GOLGA6L7: variants seen among roughly 807,000 people sequenced by gnomAD.
GOLGA6L7 encodes golgin subfamily A member 6-like protein 7.
In GOLGA6L7, 29 loss-of-function variants were observed where a neutral mutation model predicts 68.9. The observed-to-expected ratio is 0.42, with a 90% CI of 0.31 to 0.57. The LOEUF (loss-of-function observed/expected upper bound fraction) is 0.57. Among genes scored for constraint, GOLGA6L7 ranks in the 20% least tolerant of loss-of-function variants. The pLI is 0.13. For missense variants in GOLGA6L7, 396 were observed against 588.4 expected, an observed-to-expected ratio of 0.67 and a Z score of 3.38; for synonymous variants, 133 against 197.4, an observed-to-expected ratio of 0.67 and a Z score of 2.73.
rs764931956 is a variant in GOLGA6L7, at chr15:28,842,549, T to TCTC, written c.1552_1554dup (p.Glu518dup). The TCTC allele has an allele frequency of 6.4e-6, 8 of 1,245,814 alleles. No homozygotes were observed. The highest frequency in any genetic ancestry group is 6.2e-5 in the African/African-American group (4 of 64,190). The allele number at this position is 1,245,814 out of a possible 1,614,324, so 77.2% of individuals were successfully genotyped here. ...CTCTTCTCCACCTGCCTCCGGATCTTCTCCTCCTCCTCCTGCATCTTCTCA... is the reference window on the plus strand; with the variant it reads ...CTCTTCTCCACCTGCCTCCGGATCTTCTCCTCCTCCTCCTCCTGCATCTTCTCA... On this transcript the variant is annotated inframe_insertion, in exon 9 of 9. Transcript: ENST00000567390.
chr15:28,846,851 A>T, intron 2 of GOLGA6L7: 1 of 514,480 alleles, frequency 1.9e-6, no homozygotes. Flanking sequence ...GTAAAACATT[A>T]CCATCCCCAT....
rs2030248424 is a variant in GOLGA6L7, at chr15:28,842,837, C to T, written c.1267G>A (p.Gly423Arg). 1 of 1,236,304 alleles carries T rather than the reference C, an allele frequency of 8.1e-7. No homozygotes were observed. The highest frequency in any genetic ancestry group is 1.0e-6 in the Non-Finnish European group (1 of 998,258). 76.6% of individuals were successfully genotyped at this position (1,236,304 alleles called of 1,614,324 possible). A position where few individuals can be genotyped will look rare whatever the true frequency, so the allele number is the denominator to read the frequency against. Residue 423 changes from glycine to arginine, a missense_variant, in exon 9 of 9, where the codon GGG becomes AGG. Coordinates refer to ENST00000567390, the MANE Select transcript of GOLGA6L7 (RefSeq NM_001365371.2). The part of the protein sequence containing the change: ...EQMRKQEEQM[G>R]EQEEQIRKQE... ...TTCCGGATCTGCTCCTCCTGCTCCC[C>T]CATCTGCTCCTCCTGCTTCCTCATC...
Position 28,844,277 on chromosome 15 carries a change from A to G in GOLGA6L7, c.463-14T>C, listed in dbSNP as rs1353211525. 12 of 486,754 alleles carry G rather than the reference A, an allele frequency of 2.5e-5. No homozygotes were observed. The highest frequency in any genetic ancestry group is 4.3e-5 in the Non-Finnish European group (12 of 282,062). 30.2% of individuals were successfully genotyped at this position (486,754 alleles called of 1,614,324 possible). A position where few individuals can be genotyped will look rare whatever the true frequency, so the allele number is the denominator to read the frequency against. ...CTCCTTGATGTACTGCAAACAGAGA[A>G]AGGTCAAGTCAGGATACAGCAGGCA... is the stretch of plus-strand genomic sequence containing the variant. On this transcript the variant is annotated splice_polypyrimidine_tract_variant and intron_variant, in intron 6 of 8. Coordinates refer to ENST00000567390, the MANE Select transcript of GOLGA6L7 (RefSeq NM_001365371.2).
chr15:28,845,018 T>C (rs2030362876), intron 6 of GOLGA6L7: 2 of 241,986 alleles, frequency 8.3e-6, no homozygotes, highest in South Asian at 5.2e-5. Flanking sequence ...AGTCCAAACC[T>C]CAGAAGGTAC....
rs1319556014 is a variant in GOLGA6L7 at position 28,843,258 on chromosome 15, C to G, written c.846G>C (p.Glu282Asp). ...REQEQQMQEQ[E>D]EQMRKQEEQM... ...GCTCCTCCTGCTTCCGCATCTGCTC[C>G]TCCTGCTCCTGCATCTGCTGCTCCT... Residue 282 changes from glutamate to aspartate, a missense_variant, in exon 9 of 9, where the codon GAG (glutamate) becomes GAC (aspartate). Physicochemically the swap from Glu to Asp is conservative, Grantham distance 45. Coordinates refer to ENST00000567390, the MANE Select transcript of GOLGA6L7 (RefSeq NM_001365371.2). 6.1e-6 allele frequency: 8 copies of G among 1,302,260 alleles called. No individual in the cohort carries two copies. The highest frequency in any genetic ancestry group is 6.8e-6 in the Non-Finnish European group (7 of 1,024,516). 80.7% of individuals were successfully genotyped at this position (1,302,260 alleles called of 1,614,324 possible). A position where few individuals can be genotyped will look rare whatever the true frequency, so the allele number is the denominator to read the frequency against.
At chr15:28,844,432 T>TTTC (rs1555515064) in intron 6 of GOLGA6L7, among the ~76,000 whole-genome samples, 169 bp from the exon 7 acceptor site, 2 of 145,022 alleles carry the variant, frequency 1.4e-5, no homozygotes, top group African/African-American at 5.1e-5. Context: ...TTTCTTTTCT[T>TTTC]TTTTTTTTTT....
chr15:28,847,124 T>C lies in GOLGA6L7; in HGVS notation c.120A>G (p.Lys40=), dbSNP rs779392623. The part of the protein sequence containing the change: ...GTGATDTKKK[K]INHGANPETT... ...TCTCAGGGTTAGCGCCATGATTTAT[T>C]TTCTTCTTTTTGGTGTCGGTTGCTC... is the stretch of plus-strand genomic sequence containing the variant. The change falls in exon 2 of 9, where the codon AAA becomes AAG. Residue 40 remains lysine (K), a synonymous_variant. Transcript: ENST00000567390. 5 of 1,196,334 alleles carry C rather than the reference T, an allele frequency of 4.2e-6. No individual in the cohort carries two copies. The highest frequency in any genetic ancestry group is 3.7e-5 in the South Asian group (3 of 80,520). The allele number at this position is 1,196,334 out of a possible 1,614,324, so 74.1% of individuals were successfully genotyped here. A position where few individuals can be genotyped will look rare whatever the true frequency, so the allele number is the denominator to read the frequency against.
chr15:28,848,103 G>A (rs12592684), intron 1 of GOLGA6L7, among the ~76,000 whole-genome samples: 43,635 of 151,040 alleles, frequency 0.29, 10,055 homozygotes, highest in African/African-American at 0.65. Context: ...GGTGAGGGCC[G>A]AGTATGGAGT....
intron 6 of GOLGA6L7, 192 bp downstream of exon 6, chr15:28,845,337 A>T: frequency 1.5e-6 from 1 of 679,786 alleles, no homozygotes; most frequent in Non-Finnish European, 2.7e-6. Context: ...CGCTCCCCAC[A>T]GCGCCCCGCA....
chr15:28,843,937 C>T (rs970130822), intron 7 of GOLGA6L7, 62 bp from the exon 8 acceptor site: 33 of 729,418 alleles, frequency 4.5e-5, no homozygotes, highest in East Asian at 2.4e-4. Flanking sequence ...CTTTGGTGAT[C>T]GACCCTCTAC....
intron 6 of GOLGA6L7, among the ~76,000 whole-genome samples, 167 bp from the exon 7 acceptor site, chr15:28,844,430 CTTTTT>C (rs3062970): frequency 7.8e-6 from 1 of 128,732 alleles, no homozygotes; most frequent in African/African-American, 3.1e-5. Flanking sequence ...TTTTTCTTTT[CTTTTT>C]TTTTTTTTTT....
chr15:28,845,181 C>G lies in GOLGA6L7; in HGVS notation c.462+348G>C, dbSNP rs146586407. 8.6e-3 allele frequency: 3,679 copies of G among 429,374 alleles called. 91 individuals carry two copies. Among genetic ancestry groups the G allele is most frequent in the African/African-American group, 0.059 (2,798 of 47,188 alleles). 26.6% of individuals were successfully genotyped at this position (429,374 alleles called of 1,614,324 possible). ...ACACACACACGTACATGTGTTCCCT[C>G]TCTCTACACAAATGGTAACATACTA... On this transcript the variant is annotated intron_variant, in intron 6 of 8. Coordinates refer to ENST00000567390, the MANE Select transcript of GOLGA6L7 (RefSeq NM_001365371.2).
rs1180842322 is a variant in GOLGA6L7 at position 28,845,931 on chromosome 15, T to G, written c.230A>C (p.Gln77Pro). 1 of 1,287,372 alleles carries G rather than the reference T, an allele frequency of 7.8e-7. No homozygotes were observed. The allele number at this position is 1,287,372 out of a possible 1,614,324, so 79.7% of individuals were successfully genotyped here. ...QLKEENKASH[Q>P]HQQALRRQLE... ...CTGCCTCCTTAGGGCTTGCTGATGT[T>G]GGTGGCTTGCCTTATTTTCCTATAG... Residue 77 changes from glutamine (Q) to proline (P), a missense_variant, in exon 4 of 9, where the codon CAA becomes CCA. Physicochemically the swap from Gln to Pro is moderately conservative, Grantham distance 76. Around this residue, in one of 5 missense-constraint regions of GOLGA6L7, gnomAD observed 125 missense variants for 119.4 expected, o/e 1.05. Coordinates refer to ENST00000567390, the MANE Select transcript of GOLGA6L7 (RefSeq NM_001365371.2).
chr15:28,843,543 G>C (rs2030297608), intron 8 of GOLGA6L7, 103 bp from the exon 9 acceptor site: 1 of 466,366 alleles, frequency 2.1e-6, no homozygotes, highest in Non-Finnish European at 3.7e-6. Context: ...CCGTAACCCT[G>C]AGGTTCTGAT....
Position 28,842,540 on chromosome 15 carries a change from T to C in GOLGA6L7, c.1564A>G (p.Arg522Gly), listed in dbSNP as rs948694697. The C allele has an allele frequency of 8.1e-6, 10 of 1,236,160 alleles. No homozygotes were observed. The East Asian group carries it at 1.2e-4, about 15-fold the overall frequency. The allele number at this position is 1,236,160 out of a possible 1,614,324, so 76.6% of individuals were successfully genotyped here. A position where few individuals can be genotyped will look rare whatever the true frequency, so the allele number is the denominator to read the frequency against. Residue 522 changes from arginine to glycine, a missense_variant, in exon 9 of 9, where the codon AGG becomes GGG. This residue lies in a region of GOLGA6L7 where 125 missense variants were observed against 163.3 expected (regional missense o/e 0.77). Coordinates refer to ENST00000567390, the MANE Select transcript of GOLGA6L7 (RefSeq NM_001365371.2). ...TTCTCCCGCCTCTTCTCCACCTGCC[T>C]CCGGATCTTCTCCTCCTCCTCCTGC... Reference protein sequence around the residue: ...KMQEEEEKIRRQVEKRREKKE... With the variant: ...KMQEEEEKIRGQVEKRREKKE...
Position 28,842,429 on chromosome 15 carries a change from T to G in GOLGA6L7, c.1675A>C (p.Met559Leu). ...CLPPSKYPSD[M>L]SHPGSLEPAR... Reference sequence around the variant, plus strand: ...GGCTCCAGGCTGCCAGGGTGGCTCATATCAGAAGGATATTTGGAGGGAGGG... The same window carrying G: ...GGCTCCAGGCTGCCAGGGTGGCTCAGATCAGAAGGATATTTGGAGGGAGGG... The change falls in exon 9 of 9, where the codon ATG becomes CTG. Residue 559 changes from methionine to leucine, a missense_variant. Coordinates refer to ENST00000567390, the MANE Select transcript of GOLGA6L7 (RefSeq NM_001365371.2). 8.6e-7 allele frequency: 1 copy of G among 1,163,974 alleles called. No individual in the cohort carries two copies. Among genetic ancestry groups the G allele is most frequent in the South Asian group, 4.0e-5 (1 of 25,182 alleles). The allele number at this position is 1,163,974 out of a possible 1,614,324, so 72.1% of individuals were successfully genotyped here. A position where few individuals can be genotyped will look rare whatever the true frequency, so the allele number is the denominator to read the frequency against.
At chr15:28,844,505 A>T (rs1410578297) in intron 6 of GOLGA6L7, among the ~76,000 whole-genome samples, 1 of 128,788 alleles carries the variant, frequency 7.8e-6, no homozygotes, top group Non-Finnish European at 1.6e-5. Context: ...ATCTCACCCC[A>T]CCGCAACCTC....
intron 1 of GOLGA6L7, among the ~76,000 whole-genome samples, chr15:28,848,014 G>T (rs931207739): frequency 2.6e-5 from 4 of 152,306 alleles, no homozygotes; most frequent in Middle Eastern, 3.4e-3. Flanking sequence ...AGATTGGCAT[G>T]GGGTCACAGG....
chr15:28,845,683 C>G (rs1450034568), intron 5 of GOLGA6L7, 35 bp downstream of exon 5: 4 of 757,686 alleles, frequency 5.3e-6, no homozygotes, highest in South Asian at 4.2e-5. Context: ...GTGAAAGTGC[C>G]AGGTTGAAGG....
Sources: gnomAD v4.1 joint callset for allele counts (sites outside exome capture counted in the v4.1 genomes callset) on GRCh38, gnomAD v4.1.1 for gene constraint, gnomAD v4.1.1 regional missense constraint, MANE v1.5 for transcripts, NCBI Gene and HGNC (gene_info 2026-07-23, HGNC 2026-07-21) for gene names.